The following LAMA3 variants were observed in gnomAD, a reference collection of about 807,000 sequenced individuals.
LAMA3 encodes laminin subunit alpha-3.
In LAMA3, 281 loss-of-function variants were observed where a neutral mutation model predicts 402.0. That is an observed-to-expected ratio of 0.70 (90% confidence interval 0.63 to 0.77). The LOEUF is 0.77. LAMA3 is among the 30% of genes least tolerant of loss of function. LAMA3 has a pLI of 0.00. For synonymous variants in LAMA3, 1,431 were observed against 1,558.4 expected, an observed-to-expected ratio of 0.92 and a Z score of 1.93; for missense variants, 3,840 against 4,215.5, an observed-to-expected ratio of 0.91 and a Z score of 2.47.
chr18:23,742,683 G>GTA (rs1222662932), intron 2 of LAMA3, among the ~76,000 whole-genome samples: 1 of 148,002 alleles, frequency 6.8e-6, no homozygotes, highest in Non-Finnish European at 1.5e-5. Flanking sequence ...TGTGTGTAGA[G>GTA]AACAAAAAAT....
intron 55 of LAMA3, among the ~76,000 whole-genome samples, chr18:23,909,938 G>A (rs1299716690): frequency 2.6e-5 from 4 of 152,174 alleles, no homozygotes; most frequent in African/African-American, 4.8e-5. Flanking sequence ...TGGAGGCATC[G>A]TGCCCAATAA....
chr18:23,750,030 G>C (rs1414747078), intron 4 of LAMA3, among the ~76,000 whole-genome samples: 1 of 152,184 alleles, frequency 6.6e-6, no homozygotes, highest in African/African-American at 2.4e-5. Context: ...TAGATAGAAA[G>C]AGCCTGCTTC....
chr18:23,796,781 TC>T (rs1266173974), intron 12 of LAMA3, among the ~76,000 whole-genome samples: 1 of 152,090 alleles, frequency 6.6e-6, no homozygotes, highest in Non-Finnish European at 1.5e-5. Context: ...CTCAAGCGAT[TC>T]CCCCACCTCT....
At chr18:23,953,350 G>GT (rs1253918932) in intron 74 of LAMA3, among the ~76,000 whole-genome samples, 4,375 of 112,076 alleles carry the variant, frequency 0.039, 242 homozygotes, top group African/African-American at 0.14. Context: ...TTTTTTTTTT[G>GT]TTTTTTTTTG....
chr18:23,860,015 A>C (rs1243291563), intron 34 of LAMA3, among the ~76,000 whole-genome samples: 1 of 152,184 alleles, frequency 6.6e-6, no homozygotes, highest in Non-Finnish European at 1.5e-5. Flanking sequence ...TGGCCTCAGG[A>C]ACTGTGGACT....
Position 23,870,302 on chromosome 18 carries a change from C to CA in LAMA3, c.4768-1119dup, listed in dbSNP as rs112024464. On this transcript the variant is annotated intron_variant, in intron 37 of 74. Coordinates refer to ENST00000313654, the MANE Select transcript of LAMA3 (RefSeq NM_198129.4). ...TGGGTGACAGAGCAAGACTTTGTCT[C>CA]AAAAAAAAAACAAAAATTACCAAAC... Among the ~76,000 whole-genome samples, 851 of 141,096 alleles carry CA rather than the reference C, an allele frequency of 6.0e-3. 7 individuals carry two copies. The highest frequency in any genetic ancestry group is 0.019 in the African/African-American group (711 of 38,366). 92.6% of individuals were successfully genotyped at this position (141,096 alleles called of 152,430 possible). A position where few individuals can be genotyped will look rare whatever the true frequency, so the allele number is the denominator to read the frequency against.
At chr18:23,942,957 G>A (rs1246169451) in intron 68 of LAMA3, among the ~76,000 whole-genome samples, 1 of 152,162 alleles carries the variant, frequency 6.6e-6, no homozygotes, top group Non-Finnish European at 1.5e-5. Context: ...GAGGGTATTA[G>A]GGTCTAAGAA....
chr18:23,793,800 A>G (rs552860609), intron 12 of LAMA3, among the ~76,000 whole-genome samples: 1 of 152,290 alleles, frequency 6.6e-6, no homozygotes, highest in South Asian at 2.1e-4. Flanking sequence ...CAGATCCCAC[A>G]GGTTGAGGGC....
rs201290766 is a variant in LAMA3 at position 23,905,659 on chromosome 18, A to G, written c.6718+35A>G. On this transcript the variant is annotated intron_variant, in intron 52 of 74. Coordinates refer to ENST00000313654, the MANE Select transcript of LAMA3 (RefSeq NM_198129.4). Reference sequence around the variant, plus strand: ...GGAGTGGGCAATGGCAGGGATAGTCAGGAGCTTTAAATGACCTCTGGGACC... The same window carrying G: ...GGAGTGGGCAATGGCAGGGATAGTCGGGAGCTTTAAATGACCTCTGGGACC... The G allele has an allele frequency of 7.8e-6, 10 of 1,281,910 alleles. No individual in the cohort carries two copies. The African/African-American group carries it at 1.5e-4, about 19-fold the overall frequency. The allele number at this position is 1,281,910 out of a possible 1,614,324, so 79.4% of individuals were successfully genotyped here. A position where few individuals can be genotyped will look rare whatever the true frequency, so the allele number is the denominator to read the frequency against.
intron 25 of LAMA3, among the ~76,000 whole-genome samples, chr18:23,838,176 G>C (rs1413791213): frequency 2.6e-5 from 4 of 152,158 alleles, no homozygotes; most frequent in Non-Finnish European, 5.9e-5. Flanking sequence ...AATGTTTGTT[G>C]TTGTTACTGA....
chr18:23,810,652 C>T (rs534771934), intron 13 of LAMA3, 149 bp downstream of exon 13: 13 of 862,538 alleles, frequency 1.5e-5, no homozygotes, highest in Non-Finnish European at 2.3e-5. Context: ...TGGTTCCTCA[C>T]CTGTTCAAGT....
chr18:23,881,845 G>A (rs2064904783), intron 39 of LAMA3, 91 bp from the exon 40 acceptor site: 6 of 812,604 alleles, frequency 7.4e-6, no homozygotes. Flanking sequence ...GAGGACTTGA[G>A]TTGTAGTCAT....
intron 68 of LAMA3, among the ~76,000 whole-genome samples, chr18:23,940,689 G>A (rs2082471106): frequency 6.6e-6 from 1 of 152,198 alleles, no homozygotes. Flanking sequence ...AAAGGTCAGA[G>A]AGAGATTGAC....
chr18:23,912,687 C>T (rs773905452), intron 55 of LAMA3, 24 bp from the exon 56 acceptor site: 1 of 1,608,296 alleles, frequency 6.2e-7, no homozygotes, highest in Non-Finnish European at 8.5e-7. Flanking sequence ...CAGTGTTTGA[C>T]ACCATGTAAC....
intron 40 of LAMA3, among the ~76,000 whole-genome samples, chr18:23,884,425 G>A (rs2065004304): frequency 6.6e-6 from 1 of 151,910 alleles, no homozygotes. Context: ...TCTTTTTTCT[G>A]CCTAGACTTG....
intron 32 of LAMA3, among the ~76,000 whole-genome samples, chr18:23,850,946 T>TC (rs2063930110): frequency 6.6e-6 from 1 of 152,262 alleles, no homozygotes; most frequent in African/African-American, 2.4e-5. Flanking sequence ...AAGCCACGTG[T>TC]ACCTCATGCC....
intron 24 of LAMA3, among the ~76,000 whole-genome samples, chr18:23,835,073 C>T (rs1045739782): frequency 4.6e-5 from 7 of 152,172 alleles, no homozygotes; most frequent in Non-Finnish European, 8.8e-5. Context: ...AAGATATGAG[C>T]GGTATCTGTC....
At chr18:23,925,661 A>G (rs2081982135) in intron 62 of LAMA3, among the ~76,000 whole-genome samples, 1 of 152,188 alleles carries the variant, frequency 6.6e-6, no homozygotes, top group South Asian at 2.1e-4. Flanking sequence ...ACCCACCAAC[A>G]CAACAACTCA....
chr18:23,952,865 T>A (rs1051011253), intron 73 of LAMA3, 125 bp from the exon 74 acceptor site: 4 of 1,266,636 alleles, frequency 3.2e-6, no homozygotes, highest in Non-Finnish European at 4.6e-6. Flanking sequence ...ATATCTAAGC[T>A]GACCAAATTT....
Sources: allele counts gnomAD v4.1 joint callset (sites outside exome capture counted in the v4.1 genomes callset), GRCh38; gene constraint gnomAD v4.1.1; transcripts MANE v1.5; gene names NCBI Gene and HGNC (gene_info 2026-07-23, HGNC 2026-07-21).